SOX5: variants seen among roughly 807,000 people sequenced by gnomAD.
SOX5 encodes SRY-box transcription factor 5, also known as transcription factor SOX-5.
A neutral mutation model predicts 92.0 loss-of-function variants in SOX5; 9 were observed. The ratio of observed to expected loss-of-function variants is 0.10; its 90% CI spans 0.06 to 0.17. The LOEUF (loss-of-function observed/expected upper bound fraction) is 0.17, where lower values mean the gene tolerates loss of function less well. Among genes scored for constraint, SOX5 ranks in the 10% least tolerant of loss-of-function variants. SOX5 has a pLI of 1.00. For missense variants in SOX5, 642 were observed against 944.5 expected (o/e 0.68, Z 4.20); for synonymous variants, 344 against 336.3 (o/e 1.02, Z -0.25).
chr12:23,670,381 AGCAGCTGTAGAAAG>A (rs2084571246), intron 6 of SOX5, among the ~76,000 whole-genome samples: 1 of 152,176 alleles, frequency 6.6e-6, no homozygotes, highest in Admixed American at 6.6e-5. Context: ...AGACATTAAT[AGCAGCTGTAGAAAG>A]ATGTAAAGTG....
chr12:23,804,916 TATA>T (rs1176610686), intron 3 of SOX5, among the ~76,000 whole-genome samples: 60 of 3,288 alleles, frequency 0.018, no homozygotes, highest in African/African-American at 0.029. Flanking sequence ...ATCATTGTTT[TATA>T]TATATATATA....
chr12:24,281,770 GA>G (rs1945229155), intron 2 of SOX5, among the ~76,000 whole-genome samples: 1 of 152,182 alleles, frequency 6.6e-6, no homozygotes, highest in South Asian at 2.1e-4. Flanking sequence ...GATGGGGAAG[GA>G]TTTTCTTTTT....
chr12:23,591,202 T>C (rs1340478907), intron 9 of SOX5, among the ~76,000 whole-genome samples: 1 of 152,022 alleles, frequency 6.6e-6, no homozygotes, highest in Non-Finnish European at 1.5e-5. Flanking sequence ...AGACACATTC[T>C]CTTAGATTGT....
In SOX5 at chr12:24,412,412, T is replaced by A. The variant is rs557314939; in HGVS notation, c.-250-43773A>T. On this transcript the variant is annotated intron_variant, in intron 1 of 4. Coordinates refer to the SOX5 transcript ENST00000446891. ...CTTTTCCTCTTTTCTAATGTACCTG[T>A]GTGGTGTGCCATAAACTTCCCTCTC... 2.0e-5 allele frequency among the ~76,000 whole-genome samples: 3 copies of A among 152,192 alleles called. No homozygotes were observed. In the South Asian group the frequency reaches 6.2e-4, roughly 32 times the overall value.
At chr12:24,209,468 G>GGTAT (rs1313177173) in intron 4 of SOX5, among the ~76,000 whole-genome samples, 3 of 152,054 alleles carry the variant, frequency 2.0e-5, no homozygotes, top group African/African-American at 7.2e-5. Flanking sequence ...TTCATAAGCA[G>GGTAT]GTATGTATGT....
chr12:23,545,798 A>G (rs1943018957), intron 12 of SOX5, among the ~76,000 whole-genome samples: 1 of 151,888 alleles, frequency 6.6e-6, no homozygotes, highest in Non-Finnish European at 1.5e-5. Flanking sequence ...GCACTTTGGG[A>G]GGCTGAGGTG....
intron 2 of SOX5, among the ~76,000 whole-genome samples, chr12:23,882,194 T>C (rs2097000335): frequency 6.6e-6 from 1 of 152,160 alleles, no homozygotes; most frequent in African/African-American, 2.4e-5. Flanking sequence ...TATCATATCC[T>C]TTTTAACATC....
upstream of SOX5, chr12:24,562,598 A>C (rs1009465897): frequency 6.6e-6 from 1 of 152,188 alleles, no homozygotes; most frequent in African/African-American, 2.4e-5. Flanking sequence ...TTTGCTGGTC[A>C]TGAGGCGGCT....
chr12:24,056,138 T>C (rs916117699), intron 4 of SOX5, among the ~76,000 whole-genome samples: 1 of 152,182 alleles, frequency 6.6e-6, no homozygotes, highest in Admixed American at 6.5e-5. Context: ...AAACTATTTG[T>C]CATTAAAAAA....
chr12:24,058,491 A>G (rs1569527815), intron 4 of SOX5, among the ~76,000 whole-genome samples: 1 of 152,162 alleles, frequency 6.6e-6, no homozygotes, highest in South Asian at 2.1e-4. Context: ...AGGATGCCCC[A>G]CTTGTTTTTA....
At chr12:23,693,742 T>C (rs1472874796) in intron 6 of SOX5, among the ~76,000 whole-genome samples, 1 of 152,224 alleles carries the variant, frequency 6.6e-6, no homozygotes, top group African/African-American at 2.4e-5. Flanking sequence ...CAAGGACATG[T>C]TACTTCTGTT....
chr12:24,112,499 A>C (rs1220596913), intron 4 of SOX5, among the ~76,000 whole-genome samples: 2 of 143,742 alleles, frequency 1.4e-5, no homozygotes, highest in African/African-American at 5.1e-5. Context: ...GACTGCAGGG[A>C]TACAGAACAA....
At chr12:23,762,358 T>C in intron 3 of SOX5, 1 of 348,178 alleles carries the variant, frequency 2.9e-6, no homozygotes, top group Non-Finnish European at 5.2e-6. Context: ...TGTTTGCACC[T>C]GTGAATAGCC....
At chr12:24,175,852 G>C (rs1565591642) in intron 4 of SOX5, among the ~76,000 whole-genome samples, 2 of 152,036 alleles carry the variant, frequency 1.3e-5, no homozygotes, top group African/African-American at 4.8e-5. Flanking sequence ...TTTCACTAGA[G>C]AGGGCTTCCC....
At chr12:24,557,356 A>T (rs7132302) in intron 1 of SOX5, among the ~76,000 whole-genome samples, 4 of 148,454 alleles carry the variant, frequency 2.7e-5, no homozygotes, top group Non-Finnish European at 4.5e-5. Context: ...GGACCAACAT[A>T]GCGCCACTGC....
intron 3 of SOX5, among the ~76,000 whole-genome samples, chr12:23,844,456 A>C (rs1430277845): frequency 6.6e-6 from 1 of 152,212 alleles, no homozygotes; most frequent in African/African-American, 2.4e-5. Context: ...TTAACCTCAT[A>C]TTAACATTAT....
chr12:23,989,542 C>G (rs1190340054), intron 4 of SOX5, among the ~76,000 whole-genome samples: 1 of 152,116 alleles, frequency 6.6e-6, no homozygotes, highest in Non-Finnish European at 1.5e-5. Context: ...AACTGAATGT[C>G]TGTATCCTCC....
intron 3 of SOX5, among the ~76,000 whole-genome samples, chr12:24,252,343 T>C (rs1418115031): frequency 6.6e-6 from 1 of 152,212 alleles, no homozygotes; most frequent in Admixed American, 6.5e-5. Flanking sequence ...CCAATTGCTG[T>C]CACAATTTGC....
At chr12:24,423,320 G>A (rs115967986) in intron 1 of SOX5, among the ~76,000 whole-genome samples, 1 of 152,280 alleles carries the variant, frequency 6.6e-6, no homozygotes, top group African/African-American at 2.4e-5. Context: ...ATATTTTCTT[G>A]ACCTCTTAAT....
Sources: gnomAD v4.1 joint callset for allele counts (sites outside exome capture counted in the v4.1 genomes callset) on GRCh38, gnomAD v4.1.1 for gene constraint, MANE v1.5 for transcripts, NCBI Gene and HGNC (gene_info 2026-07-23, HGNC 2026-07-21) for gene names.